Variants in TLN2 observed in about 807,000 individuals in gnomAD.
TLN2 encodes the protein talin 2.
In TLN2, 118 loss-of-function variants were observed where a neutral mutation model predicts 294.7. That is an observed-to-expected ratio of 0.40 (90% CI 0.34 to 0.47). The LOEUF (loss-of-function observed/expected upper bound fraction) is 0.47. Among genes scored for constraint, TLN2 ranks in the 20% least tolerant of loss-of-function variants. TLN2 has a pLI of 0.84. For missense variants in TLN2, 3,083 were observed against 3,282.2 expected, an observed-to-expected ratio of 0.94 and a Z score of 1.48; for synonymous variants, 1,431 against 1,304.5, an observed-to-expected ratio of 1.10 and a Z score of -2.09.
intron 1 of TLN2, among the ~76,000 whole-genome samples, chr15:62,562,341 C>T (rs1020227747): frequency 6.6e-6 from 1 of 152,076 alleles, no homozygotes; most frequent in Non-Finnish European, 1.5e-5. Context: ...GGACAGTTGC[C>T]TGACACCTGG....
intron 1 of TLN2, among the ~76,000 whole-genome samples, chr15:62,412,981 A>G (rs926990321): frequency 6.6e-6 from 1 of 152,146 alleles, no homozygotes; most frequent in Non-Finnish European, 1.5e-5. Context: ...GCTGAACTAG[A>G]GAAGTGGAGA....
At position 62,565,714 on chromosome 15, in the gene TLN2, C is replaced by T. The variant is rs116528267; in HGVS notation, c.-237-23973C>T. Among the ~76,000 whole-genome samples the T allele has an allele frequency of 1.4e-3, 208 of 152,020 alleles. 1 individual carries two copies. Among genetic ancestry groups the T allele is most frequent in the South Asian group, 4.6e-3 (22 of 4,814 alleles). On this transcript the variant is annotated intron_variant, in intron 1 of 58. Coordinates refer to ENST00000636159, the MANE Select transcript of TLN2 (RefSeq NM_015059.3). The stretch of plus-strand genomic sequence containing the variant: ...TACATGAAGGACATCCATCCTCTTA[C>T]GTTTCAAATCAGCAAATATTTGAAT...
chr15:62,800,201 A>G (rs1056302344), intron 48 of TLN2, among the ~76,000 whole-genome samples, 167 bp from the exon 49 acceptor site: 3 of 152,198 alleles, frequency 2.0e-5, no homozygotes, highest in Admixed American at 6.5e-5. Context: ...TGAGTCCTGT[A>G]TCAGAATCAC....
chr15:62,728,166 G>A (rs1318011821), intron 28 of TLN2, among the ~76,000 whole-genome samples: 1 of 151,990 alleles, frequency 6.6e-6, no homozygotes, highest in Non-Finnish European at 1.5e-5. Context: ...AGAGTTAAAC[G>A]CTCATGGCTT....
intron 12 of TLN2, among the ~76,000 whole-genome samples, chr15:62,692,635 C>A (rs1032971399): frequency 6.6e-6 from 1 of 152,116 alleles, no homozygotes; most frequent in African/African-American, 2.4e-5. Context: ...TCTGAGCCCC[C>A]CAGCCAGTCT....
chr15:62,573,687 T>C (rs2044128141), intron 1 of TLN2, among the ~76,000 whole-genome samples: 1 of 151,342 alleles, frequency 6.6e-6, no homozygotes, highest in Non-Finnish European at 1.5e-5. Context: ...CCCCCTTCCC[T>C]CCCTAGTGCA....
chr15:62,393,495 T>C (rs372002657), intron 1 of TLN2, among the ~76,000 whole-genome samples: 2 of 152,200 alleles, frequency 1.3e-5, no homozygotes, highest in Admixed American at 6.5e-5. Context: ...GTCTTTTCTC[T>C]CTCAAAATTA....
chr15:62,763,508 G>C, intron 39 of TLN2, 55 bp from the exon 40 acceptor site: 1 of 1,554,716 alleles, frequency 6.4e-7, no homozygotes, highest in Non-Finnish European at 8.7e-7. Context: ...GCTGGAGCAG[G>C]CTGTGGGACT....
In TLN2 at chr15:62,717,584, C is replaced by G. The variant is rs750746015; in HGVS notation, c.2772C>G (p.Ala924=). 5 of 1,569,952 alleles carry G rather than the reference C, an allele frequency of 3.2e-6. No individual in the cohort carries two copies. Among genetic ancestry groups the G allele is most frequent in the Non-Finnish European group, 4.3e-6 (5 of 1,162,372 alleles). The change falls in exon 24 of 59, where the codon GCC becomes GCG. Residue 924 remains alanine, a synonymous_variant. Coordinates refer to ENST00000636159, the MANE Select transcript of TLN2 (RefSeq NM_015059.3). ...CTATCACTCCTCTGCAGGTTGCAGC[C>G]AAGCAGGCCGCAGCGGCAGCCACAC... The part of the protein sequence containing the change: ...KKIVNRLEVA[A]KQAAAAATQT...
chr15:62,701,992 G>T lies in TLN2; in HGVS notation c.1697G>T (p.Gly566Val), dbSNP rs746117626. ...GTASVVNLTA[G>V]DPADTDYTAV... The stretch of plus-strand genomic sequence containing the variant: ...TGGGGATGGTTCTTTTCTGTGCCAG[G>T]TGACCCTGCAGACACTGACTACACA... Residue 566 changes from glycine (G) to valine (V), a missense_variant and splice_region_variant, in exon 18 of 59, where the codon GGT (glycine) becomes GTT (valine). Transcript: ENST00000636159. The T allele has an allele frequency of 5.6e-6, 9 of 1,613,986 alleles. No individual in the cohort carries two copies. The South Asian group carries it at 8.8e-5, about 16-fold the overall frequency.
chr15:62,456,910 C>G (rs2036515060), intron 1 of TLN2, among the ~76,000 whole-genome samples: 1 of 152,102 alleles, frequency 6.6e-6, no homozygotes, highest in Admixed American at 6.5e-5. Context: ...TGGCATTAGG[C>G]CACCAAGCTG....
intron 8 of TLN2, 107 bp downstream of exon 8, chr15:62,656,193 G>C (rs753787248): frequency 2.6e-5 from 37 of 1,442,328 alleles, no homozygotes; most frequent in Non-Finnish European, 3.5e-5. Context: ...CACATTTATG[G>C]CGTCGTTTCC....
At chr15:62,580,372 A>G (rs1379562474) in intron 1 of TLN2, among the ~76,000 whole-genome samples, 3 of 149,918 alleles carry the variant, frequency 2.0e-5, no homozygotes, top group Non-Finnish European at 4.5e-5. Context: ...ACCATAGTTT[A>G]CCTTAGAGTT....
intron 12 of TLN2, among the ~76,000 whole-genome samples, chr15:62,687,474 C>A (rs897996662): frequency 1.3e-5 from 2 of 152,174 alleles, no homozygotes; most frequent in Non-Finnish European, 2.9e-5. Context: ...GGTCTTCAGA[C>A]CTCTGAATTC....
At chr15:62,682,994 G>C (rs1160487832) in intron 11 of TLN2, 1 of 152,250 alleles carries the variant, frequency 6.6e-6, no homozygotes, top group Non-Finnish European at 1.5e-5. Flanking sequence ...CTTGCAGGGA[G>C]AGAAATGGCT....
At chr15:62,521,181 G>C (rs1253688081) in intron 1 of TLN2, among the ~76,000 whole-genome samples, 1 of 151,950 alleles carries the variant, frequency 6.6e-6, no homozygotes, top group Non-Finnish European at 1.5e-5. Context: ...ATAGTTTTGT[G>C]GTGAATTGTA....
chr15:62,465,223 T>G (rs1055629924), intron 1 of TLN2, among the ~76,000 whole-genome samples: 2 of 151,656 alleles, frequency 1.3e-5, no homozygotes, highest in African/African-American at 4.8e-5. Flanking sequence ...CCTTGGAAGA[T>G]TCCTCTGGTT....
At chr15:62,527,008 C>T (rs1381845448) in intron 1 of TLN2, among the ~76,000 whole-genome samples, 1 of 152,156 alleles carries the variant, frequency 6.6e-6, no homozygotes, top group Non-Finnish European at 1.5e-5. Flanking sequence ...CATACATGCA[C>T]CTGTAGACAG....
chr15:62,574,090 C>T (rs150793292), intron 1 of TLN2, among the ~76,000 whole-genome samples: 1 of 152,250 alleles, frequency 6.6e-6, no homozygotes, highest in East Asian at 1.9e-4. Context: ...AGGCTTTAAG[C>T]TGCTTAACTC....
Sources: allele counts gnomAD v4.1 joint callset (sites outside exome capture counted in the v4.1 genomes callset), GRCh38; gene constraint gnomAD v4.1.1; transcripts MANE v1.5; gene names NCBI Gene and HGNC (gene_info 2026-07-23, HGNC 2026-07-21).